Variants in GEMIN7 observed in about 807,000 individuals in gnomAD.
GEMIN7 encodes gem-associated protein 7.
A neutral mutation model predicts 7.8 loss-of-function variants in GEMIN7; 7 were observed. The observed-to-expected ratio is 0.90, with a 90% confidence interval of 0.51 to 1.69. The LOEUF (loss-of-function observed/expected upper bound fraction) is 1.69. Among genes scored for constraint, GEMIN7 ranks in the 40% most tolerant of loss-of-function variants. GEMIN7 has a pLI of 0.00. For synonymous variants in GEMIN7, 68 were observed against 72.4 expected (o/e 0.94, Z 0.31); for missense variants, 159 against 176.2 (o/e 0.90, Z 0.55).
At chr19:45,086,603 G>A (rs78072155) in intron 2 of GEMIN7, among the ~76,000 whole-genome samples, 2,375 of 152,270 alleles carry the variant, frequency 0.016, 65 homozygotes, top group African/African-American at 0.052. Context: ...TGGGGAAACA[G>A]AGGCACAGAT....
intron 2 of GEMIN7, among the ~76,000 whole-genome samples, chr19:45,088,878 C>T (rs1240970028): frequency 6.6e-6 from 1 of 151,322 alleles, no homozygotes; most frequent in East Asian, 1.9e-4. Flanking sequence ...GAATGAATAT[C>T]TTATAAGTCT....
intron 2 of GEMIN7, among the ~76,000 whole-genome samples, chr19:45,086,810 C>T (rs563838425): frequency 6.6e-6 from 1 of 152,120 alleles, no homozygotes; most frequent in South Asian, 2.1e-4. Context: ...CACAGCTAAA[C>T]CGGCCTGGGA....
At chr19:45,080,661 G>C (rs1349211509) in intron 2 of GEMIN7, among the ~76,000 whole-genome samples, 1 of 151,704 alleles carries the variant, frequency 6.6e-6, no homozygotes, top group Non-Finnish European at 1.5e-5. Context: ...TTACAGGTGT[G>C]AACCACTGCA....
At chr19:45,081,028 G>C (rs540393694) in intron 2 of GEMIN7, among the ~76,000 whole-genome samples, 1 of 152,190 alleles carries the variant, frequency 6.6e-6, no homozygotes, top group African/African-American at 2.4e-5. Context: ...CAAGTAGGGC[G>C]TGTTGGCGTG....
intron 2 of GEMIN7, among the ~76,000 whole-genome samples, chr19:45,081,472 A>G (rs1967501017): frequency 6.6e-6 from 1 of 151,286 alleles, no homozygotes; most frequent in Non-Finnish European, 1.5e-5. Flanking sequence ...AAAAAAAAAA[A>G]TTAGAAAATG....
chr19:45,083,136 A>G (rs1967557107), intron 2 of GEMIN7, among the ~76,000 whole-genome samples: 1 of 152,176 alleles, frequency 6.6e-6, no homozygotes, highest in Admixed American at 6.5e-5. Flanking sequence ...GAAAAATAAA[A>G]TAAAGTTAAA....
chr19:45,080,810 T>C (rs1036826973), intron 2 of GEMIN7, among the ~76,000 whole-genome samples: 2 of 145,068 alleles, frequency 1.4e-5, no homozygotes, highest in African/African-American at 5.2e-5. Flanking sequence ...GGCCCTATAC[T>C]GGCCCTCCCT....
chr19:45,079,296 G>C lies in GEMIN7; in HGVS notation c.-213G>C, dbSNP rs192596776. ...CGGACCTCGGTGAGTACAAGGTGGT[G>C]GGGGGTCGCCAGCAGGTTCCCTCTC... On this transcript the variant is annotated 5_prime_UTR_variant, in exon 1 of 3. Transcript: ENST00000270257. The C allele has an allele frequency of 6.5e-6, 1 of 152,756 alleles. No individual in the cohort carries two copies. The highest frequency in any genetic ancestry group is 2.1e-4 in the South Asian group (1 of 4,836). The allele number at this position is 152,756 out of a possible 1,614,324, so 9.5% of individuals were successfully genotyped here.
intron 1 of GEMIN7, among the ~76,000 whole-genome samples, 161 bp downstream of exon 1, chr19:45,079,538 T>G (rs754367720): frequency 2.2e-4 from 34 of 152,202 alleles, no homozygotes; most frequent in Non-Finnish European, 4.6e-4. Flanking sequence ...AAATAATAAA[T>G]GGCCACGATA....
rs1397407348 is a variant in GEMIN7 at position 45,090,462 on chromosome 19, G to A, written c.348G>A (p.Glu116=). The A allele has an allele frequency of 1.2e-6, 2 of 1,613,830 alleles. No homozygotes were observed. The highest frequency in any genetic ancestry group is 1.7e-5 in the Admixed American group (1 of 60,026). ...QLQTPIGVQA[E]ALLRCSDIIS... is the part of the protein sequence containing the mutation. The stretch of plus-strand genomic sequence containing the variant: ...AGACTCCCATAGGTGTGCAAGCAGA[G>A]GCGCTGCTCCGATGTAGTGACATTA... The change falls in exon 3 of 3, where the codon GAG becomes GAA. Residue 116 remains glutamate (E), a synonymous_variant. Coordinates refer to ENST00000270257, the MANE Select transcript of GEMIN7 (RefSeq NM_024707.3).
rs1309571645 is a variant in GEMIN7 at position 45,091,100 on chromosome 19, T to C, written c.*590T>C. ...CCTGGAAAGGCTGGAGTGACCGGCA[T>C]GCCGGGATTGGGAGATTAGGATTTG... is the stretch of plus-strand genomic sequence containing the variant. On this transcript the variant is annotated 3_prime_UTR_variant, in exon 3 of 3. Transcript: ENST00000270257. 6.0e-6 allele frequency: 1 copy of C among 167,602 alleles called. No individual in the cohort carries two copies. The highest frequency in any genetic ancestry group is 1.5e-5 in the Non-Finnish European group (1 of 68,498). 10.4% of individuals were successfully genotyped at this position (167,602 alleles called of 1,614,324 possible).
intron 2 of GEMIN7, among the ~76,000 whole-genome samples, chr19:45,080,765 G>GT (rs57306662): frequency 0.035 from 4,678 of 135,562 alleles, 245 homozygotes; most frequent in African/African-American, 0.11. Flanking sequence ...CTTGTTTTTT[G>GT]TTTTTTTTTT....
rs143839964 is a variant in GEMIN7, at chr19:45,082,060, C to T, written c.-9+2031C>T. Among the ~76,000 whole-genome samples the T allele has an allele frequency of 3.6e-4, 55 of 152,280 alleles. No individual in the cohort carries two copies. The East Asian group carries it at 7.9e-3, about 22-fold the overall frequency. ...CGTTCCTAGTGTCTCCCTTCAATCT[C>T]GTTTATTGTCCATGCAGCAGGCAGA... On this transcript the variant is annotated intron_variant, in intron 2 of 2. Coordinates refer to ENST00000270257, the MANE Select transcript of GEMIN7 (RefSeq NM_024707.3).
At chr19:45,082,595 C>G (rs1047732879) in intron 2 of GEMIN7, among the ~76,000 whole-genome samples, 1 of 152,022 alleles carries the variant, frequency 6.6e-6, no homozygotes, top group African/African-American at 2.4e-5. Context: ...GATGTGCTAA[C>G]AATGCTAGAT....
upstream of GEMIN7, chr19:45,076,320 G>T: frequency 7.1e-7 from 1 of 1,411,854 alleles, no homozygotes. The surrounding 1 kb of genome is among the most constrained non-coding windows in gnomAD (Gnocchi z 4.9). Context: ...CTGGGTTGGC[G>T]GCGGGCGCGG....
At chr19:45,076,320 G>A, upstream of GEMIN7, 2 of 1,411,854 alleles carry the variant, frequency 1.4e-6, no homozygotes, top group Non-Finnish European at 1.9e-6. This position sits in a 1 kb window ranked among gnomAD's most constrained non-coding sequence, Gnocchi z 4.9. Context: ...CTGGGTTGGC[G>A]GCGGGCGCGG....
chr19:45,077,775 T>G (rs762310428), upstream of GEMIN7, among the ~76,000 whole-genome samples: 1 of 152,178 alleles, frequency 6.6e-6, no homozygotes, highest in Admixed American at 6.5e-5. Context: ...GGATCTCACT[T>G]TCTCCATCTG....
intron 2 of GEMIN7, among the ~76,000 whole-genome samples, chr19:45,083,602 T>C (rs1056084159): frequency 8.9e-4 from 129 of 144,744 alleles, no homozygotes; most frequent in African/African-American, 2.8e-3. Flanking sequence ...TCTTCTTCTT[T>C]TTTTTTTTTT....
upstream of GEMIN7, chr19:45,076,162 C>T: frequency 1.3e-6 from 2 of 1,533,380 alleles, no homozygotes; most frequent in South Asian, 1.3e-5. The surrounding 1 kb of genome is among the most constrained non-coding windows in gnomAD (Gnocchi z 4.9). Context: ...GGGCATGGGG[C>T]CAGGGGAGTG....
Sources: allele counts gnomAD v4.1 joint callset (sites outside exome capture counted in the v4.1 genomes callset), GRCh38; gene constraint gnomAD v4.1.1; non-coding constraint Gnocchi (gnomAD v3.1); transcripts MANE v1.5; gene names NCBI Gene and HGNC (gene_info 2026-07-23, HGNC 2026-07-21).